Variants in ZNF804B observed in about 807,000 individuals in gnomAD.
The protein encoded by ZNF804B is zinc finger 804B.
A neutral mutation model predicts 101.4 loss-of-function variants in ZNF804B; 80 were observed. That is an observed-to-expected ratio of 0.79 (90% confidence interval 0.66 to 0.95). ZNF804B has a LOEUF of 0.95. Ranked by LOEUF, ZNF804B falls within the 40% of genes least tolerant of loss-of-function variation. The pLI, the probability that ZNF804B is intolerant of heterozygous loss-of-function variation, is 0.00. For missense variants in ZNF804B, 1,673 were observed against 1,561.9 expected, an observed-to-expected ratio of 1.07 and a Z score of -1.20; for synonymous variants, 622 against 558.8, an observed-to-expected ratio of 1.11 and a Z score of -1.59.
chr7:88,898,236 G>T (rs531712843), intron 1 of ZNF804B, among the ~76,000 whole-genome samples: 1 of 151,394 alleles, frequency 6.6e-6, no homozygotes, highest in African/African-American at 2.4e-5. Flanking sequence ...ACAGGCGCCC[G>T]CCACCACGCC....
rs1413984763 is a variant in ZNF804B, at chr7:88,961,842, T to C, written c.108+201758T>C. Among the ~76,000 whole-genome samples the C allele has an allele frequency of 2.0e-5, 3 of 151,342 alleles. No individual in the cohort carries two copies. In the East Asian group the frequency reaches 5.9e-4, roughly 30 times the overall value. On this transcript the variant is annotated intron_variant, in intron 1 of 3. Coordinates refer to ENST00000333190, the MANE Select transcript of ZNF804B (RefSeq NM_181646.5). ...TTTTAAATTAATGGTCCCAAAGCCTTGACGCTGCCCTGCCACATTTCATCA... is the reference window on the plus strand; with the variant it reads ...TTTTAAATTAATGGTCCCAAAGCCTCGACGCTGCCCTGCCACATTTCATCA...
chr7:89,145,640 T>C (rs2116398707), intron 1 of ZNF804B, among the ~76,000 whole-genome samples: 1 of 152,168 alleles, frequency 6.6e-6, no homozygotes, highest in South Asian at 2.1e-4. Context: ...AGTAACAACT[T>C]ATAATCAATT....
At chr7:88,814,797 TCTC>T (rs886125842) in intron 1 of ZNF804B, among the ~76,000 whole-genome samples, 2 of 152,026 alleles carry the variant, frequency 1.3e-5, no homozygotes, top group African/African-American at 4.8e-5. Flanking sequence ...GTTTCTTCCT[TCTC>T]CTTCATTTCC....
chr7:88,942,501 A>AGTGTGTGT (rs72429940), intron 1 of ZNF804B, among the ~76,000 whole-genome samples: 2 of 86,918 alleles, frequency 2.3e-5, no homozygotes, highest in African/African-American at 7.1e-5. Flanking sequence ...TATTTGAGTG[A>AGTGTGTGT]GTGTGTGTGT....
At chr7:88,927,410 T>C (rs1296792538) in intron 1 of ZNF804B, among the ~76,000 whole-genome samples, 1 of 152,126 alleles carries the variant, frequency 6.6e-6, no homozygotes, top group Admixed American at 6.6e-5. Context: ...TCTAATACGT[T>C]CAAACACATG....
chr7:88,989,603 G>C (rs1793814626), intron 1 of ZNF804B, among the ~76,000 whole-genome samples: 1 of 152,012 alleles, frequency 6.6e-6, no homozygotes, highest in Admixed American at 6.6e-5. Context: ...CTTCTCCCCA[G>C]ATGATTTTAG....
At chr7:88,801,914 T>C (rs549982271) in intron 1 of ZNF804B, among the ~76,000 whole-genome samples, 1 of 152,200 alleles carries the variant, frequency 6.6e-6, no homozygotes, top group Non-Finnish European at 1.5e-5. Context: ...AAAAATAAAA[T>C]TTGGATCTGA....
At chr7:89,213,359 A>G (rs1788834023) in intron 1 of ZNF804B, among the ~76,000 whole-genome samples, 1 of 152,228 alleles carries the variant, frequency 6.6e-6, no homozygotes, top group African/African-American at 2.4e-5. Context: ...TCTCTTACAC[A>G]TAACAGTGAA....
chr7:89,041,695 T>A (rs1409103435), intron 1 of ZNF804B, among the ~76,000 whole-genome samples: 2 of 152,164 alleles, frequency 1.3e-5, no homozygotes, highest in African/African-American at 4.8e-5. Flanking sequence ...TTTCCTTTCC[T>A]CGAGCAGGAC....
intron 1 of ZNF804B, among the ~76,000 whole-genome samples, chr7:89,120,057 C>T (rs758315671): frequency 6.7e-4 from 101 of 151,860 alleles, no homozygotes; most frequent in Non-Finnish European, 8.4e-4. Context: ...ATCTCACAAA[C>T]AGAAAATCAG....
intron 1 of ZNF804B, among the ~76,000 whole-genome samples, chr7:89,095,241 ATT>A (rs1789955063): frequency 6.6e-6 from 1 of 152,106 alleles, no homozygotes; most frequent in African/African-American, 2.4e-5. Flanking sequence ...AGGACACAGC[ATT>A]TCTTCCCTCT....
intron 1 of ZNF804B, among the ~76,000 whole-genome samples, chr7:89,041,450 A>G (rs1789016049): frequency 6.6e-6 from 1 of 152,086 alleles, no homozygotes; most frequent in African/African-American, 2.4e-5. Context: ...CTGGGGCTTC[A>G]GTCTGCAAGT....
At chr7:88,828,298 C>T (rs1791077440) in intron 1 of ZNF804B, among the ~76,000 whole-genome samples, 1 of 152,098 alleles carries the variant, frequency 6.6e-6, no homozygotes, top group South Asian at 2.1e-4. Context: ...ACATTTCTAT[C>T]ACACCAGAAA....
intron 1 of ZNF804B, among the ~76,000 whole-genome samples, chr7:89,186,594 ATTGCTT>A (rs981151695): frequency 3.5e-5 from 5 of 144,822 alleles, no homozygotes; most frequent in African/African-American, 1.3e-4. Flanking sequence ...CTGTATTTGC[ATTGCTT>A]TTAAGTGTTA....
chr7:89,093,327 G>A (rs1421412384), intron 1 of ZNF804B, among the ~76,000 whole-genome samples: 1 of 152,170 alleles, frequency 6.6e-6, no homozygotes, highest in Non-Finnish European at 1.5e-5. Flanking sequence ...CATTTCCAAA[G>A]TTATTTAGGT....
chr7:89,277,100 A>G (rs1243946105), intron 2 of ZNF804B, among the ~76,000 whole-genome samples: 1 of 148,708 alleles, frequency 6.7e-6, no homozygotes, highest in Admixed American at 6.7e-5. Context: ...ATGTATACAA[A>G]TATTTATTAT....
chr7:89,336,545 C>T lies in ZNF804B; in HGVS notation c.3563C>T (p.Ala1188Val). ...LRVLPAAGPT[A>V]FSPASTVQTV... ...GTTTTGCCTGCTGCAGGGCCTACTG[C>T]CTTCTCTCCGGCCTCAACCGTACAG... The change falls in exon 4 of 4, where the codon GCC (alanine) becomes GTC (valine). Residue 1188 changes from alanine to valine, a missense_variant. Coordinates refer to ENST00000333190, the MANE Select transcript of ZNF804B (RefSeq NM_181646.5). 6.2e-7 allele frequency: 1 copy of T among 1,614,110 alleles called. No homozygotes were observed. The highest frequency in any genetic ancestry group is 2.2e-5 in the East Asian group (1 of 44,858).
intron 1 of ZNF804B, chr7:88,795,549 T>C (rs1790467204): frequency 6.6e-6 from 1 of 152,196 alleles, no homozygotes; most frequent in Non-Finnish European, 1.5e-5. Flanking sequence ...CTTGTTGTTT[T>C]TGTTGTTGTA....
intron 1 of ZNF804B, among the ~76,000 whole-genome samples, chr7:89,022,456 T>C (rs1788682287): frequency 1.3e-5 from 2 of 152,196 alleles, no homozygotes; most frequent in South Asian, 4.1e-4. Context: ...GTTATGTCTT[T>C]GTTTTTATTG....
Sources: gnomAD v4.1 joint callset for allele counts (sites outside exome capture counted in the v4.1 genomes callset) on GRCh38, gnomAD v4.1.1 for gene constraint, MANE v1.5 for transcripts, NCBI Gene and HGNC (gene_info 2026-07-23, HGNC 2026-07-21) for gene names.